TRIM23: variants seen among roughly 807,000 people sequenced by gnomAD.
TRIM23 encodes the protein E3 ubiquitin-protein ligase TRIM23.
A neutral mutation model predicts 71.0 loss-of-function variants in TRIM23; 27 were observed. The ratio of observed to expected loss-of-function variants is 0.38; its 90% CI spans 0.28 to 0.52. The LOEUF is 0.52. Among genes scored for constraint, TRIM23 ranks in the 20% least tolerant of loss-of-function variants. TRIM23 has a pLI of 0.84. For synonymous variants in TRIM23, 234 were observed against 238.0 expected (o/e 0.98, Z 0.16); for missense variants, 482 against 692.3 (o/e 0.70, Z 3.41).
chr5:65,598,043 G>T (rs1754254859), intron 7 of TRIM23, among the ~76,000 whole-genome samples: 1 of 151,930 alleles, frequency 6.6e-6, no homozygotes, highest in Admixed American at 6.6e-5. Context: ...AACTTTTCCT[G>T]GTTTGGTTTT....
intron 7 of TRIM23, among the ~76,000 whole-genome samples, chr5:65,598,126 T>C (rs1754257642): frequency 6.6e-6 from 1 of 152,198 alleles, no homozygotes; most frequent in Non-Finnish European, 1.5e-5. Context: ...TGAGGGTCTA[T>C]ATGAGGCCTC....
At chr5:65,606,675 T>A (rs970158607) in intron 6 of TRIM23, among the ~76,000 whole-genome samples, 2 of 152,232 alleles carry the variant, frequency 1.3e-5, no homozygotes, top group Non-Finnish European at 2.9e-5. Flanking sequence ...AACTACAATG[T>A]TCTTCTCCCA....
In TRIM23 at chr5:65,615,755, T is replaced by G. The variant is rs533190304; in HGVS notation, c.245-1536A>C. Among the ~76,000 whole-genome samples, 21 of 152,366 alleles carry G rather than the reference T, an allele frequency of 1.4e-4. 1 individual carries two copies. Among genetic ancestry groups the G allele is most frequent in the African/African-American group, 4.3e-4 (18 of 41,584 alleles). On this transcript the variant is annotated intron_variant, in intron 2 of 10. Coordinates refer to ENST00000231524, the MANE Select transcript of TRIM23 (RefSeq NM_001656.4). ...ATCCAGTCACTATATAATGAATATA[T>G]ACAAATAAACCTCTAGCATTATTAC...
At chr5:65,610,477 A>G (rs969949443) in intron 5 of TRIM23, among the ~76,000 whole-genome samples, 1 of 152,212 alleles carries the variant, frequency 6.6e-6, no homozygotes, top group Non-Finnish European at 1.5e-5. Context: ...AATATGTACA[A>G]TCCTCACTTA....
chr5:65,614,866 A>G (rs900066188), intron 2 of TRIM23, among the ~76,000 whole-genome samples: 2 of 152,210 alleles, frequency 1.3e-5, no homozygotes, highest in South Asian at 4.2e-4. Flanking sequence ...TTATACATAT[A>G]TTTTGCCACA....
intron 2 of TRIM23, among the ~76,000 whole-genome samples, chr5:65,614,833 T>C (rs1754740461): frequency 6.6e-6 from 1 of 151,978 alleles, no homozygotes; most frequent in African/African-American, 2.4e-5. Context: ...AACTTAGAAA[T>C]GGTTAAAACG....
In TRIM23 at chr5:65,594,564, T is replaced by C; in HGVS notation, c.1502A>G (p.Lys501Arg). The stretch of plus-strand genomic sequence containing the variant: ...CAGGAGCAGAGCATCTCGGAGTTCT[T>C]TTTCCGTTAACAACTTTGCAAGTTC... Reference protein sequence around the residue: ...HSELAKLLTEKELRDALLLIF... With the variant: ...HSELAKLLTERELRDALLLIF... The change falls in exon 10 of 11, where the codon AAA becomes AGA. Residue 501 changes from lysine (K) to arginine (R), a missense_variant. Physicochemically the swap from Lys to Arg is conservative, Grantham distance 26. Coordinates refer to ENST00000231524, the MANE Select transcript of TRIM23 (RefSeq NM_001656.4). 6.2e-7 allele frequency: 1 copy of C among 1,613,036 alleles called. No homozygotes were observed. The highest frequency in any genetic ancestry group is 8.5e-7 in the Non-Finnish European group (1 of 1,179,640).
chr5:65,621,913 G>A (rs1404192960), intron 1 of TRIM23, among the ~76,000 whole-genome samples: 1 of 151,390 alleles, frequency 6.6e-6, no homozygotes, highest in Non-Finnish European at 1.5e-5. Flanking sequence ...CTGCAGCCTT[G>A]ACCTCCCAAG....
intron 6 of TRIM23, among the ~76,000 whole-genome samples, chr5:65,608,284 A>G (rs1754558876): frequency 6.6e-6 from 1 of 152,104 alleles, no homozygotes; most frequent in Non-Finnish European, 1.5e-5. Flanking sequence ...TGGCAACACA[A>G]TTATGAGGTC....
intron 6 of TRIM23, among the ~76,000 whole-genome samples, chr5:65,606,021 ATTCC>A (rs1156911230): frequency 1.1e-4 from 17 of 152,210 alleles, no homozygotes; most frequent in African/African-American, 4.1e-4. Context: ...TAACTGTTGA[ATTCC>A]TTCCTTCCAT....
intron 9 of TRIM23, among the ~76,000 whole-genome samples, chr5:65,595,873 C>T (rs572284511): frequency 1.3e-5 from 2 of 152,126 alleles, no homozygotes; most frequent in East Asian, 3.9e-4. Context: ...ATGTTGGGGT[C>T]TATGAGGCAG....
Position 65,591,060 on chromosome 5 carries a change from C to G in TRIM23, c.*709G>C. The G allele has an allele frequency of 1.0e-6, 1 of 990,900 alleles. No homozygotes were observed. Among genetic ancestry groups the G allele is most frequent in the Non-Finnish European group, 1.2e-6 (1 of 833,732 alleles). The allele number at this position is 990,900 out of a possible 1,614,324, so 61.4% of individuals were successfully genotyped here. Reference sequence around the variant, plus strand: ...TTCATAAATTCAGATCCAATTACTTCCACAGTTTTATTACTGTTCAGTTTA... The same window carrying G: ...TTCATAAATTCAGATCCAATTACTTGCACAGTTTTATTACTGTTCAGTTTA... On this transcript the variant is annotated 3_prime_UTR_variant, in exon 11 of 11. Coordinates refer to ENST00000231524, the MANE Select transcript of TRIM23 (RefSeq NM_001656.4).
In TRIM23 at chr5:65,611,785, G is replaced by A; in HGVS notation, c.463C>T (p.His155Tyr). ...TGCTTTGCTAATGTCTTTGTAGAAT[G>A]AGTAACTTGAGAACACTCAGAGCAC... is the stretch of plus-strand genomic sequence containing the variant. ...HLCSECSQVT[H>Y]STKTLAKHRR... Residue 155 changes from histidine to tyrosine, a missense_variant, in exon 4 of 11, where the codon CAT (histidine) becomes TAT (tyrosine). Transcript: ENST00000231524. 2 of 1,614,162 alleles carry A rather than the reference G, an allele frequency of 1.2e-6. No homozygotes were observed. The highest frequency in any genetic ancestry group is 1.7e-6 in the Non-Finnish European group (2 of 1,180,030).
At chr5:65,620,655 A>C (rs1202636031) in intron 1 of TRIM23, among the ~76,000 whole-genome samples, 1 of 152,228 alleles carries the variant, frequency 6.6e-6, no homozygotes, top group Non-Finnish European at 1.5e-5. Context: ...ACATTGGAAC[A>C]CTGGTTCCCC....
chr5:65,604,912 T>G lies in TRIM23; in HGVS notation c.1178A>C (p.Lys393Thr). ...LDASIPVTFTKDNRVHIGPKM... is the reference protein window; with the variant it reads ...LDASIPVTFTTDNRVHIGPKM... Reference sequence around the variant, plus strand: ...TAAAAATAAAGTACAGTACATTACCTTTGTAAAAGTGACAGGGATGCTGGC... The same window carrying G: ...TAAAAATAAAGTACAGTACATTACCGTTGTAAAAGTGACAGGGATGCTGGC... The change falls in exon 7 of 11, where the codon AAG becomes ACG. Residue 393 changes from lysine to threonine, a missense_variant and splice_region_variant. Transcript: ENST00000231524. 1 of 1,612,642 alleles carries G rather than the reference T, an allele frequency of 6.2e-7. No individual in the cohort carries two copies. Among genetic ancestry groups the G allele is most frequent in the Non-Finnish European group, 8.5e-7 (1 of 1,179,536 alleles).
In TRIM23 at chr5:65,595,340, G is replaced by A. The variant is rs1232300291; in HGVS notation, c.1421-695C>T. Among the ~76,000 whole-genome samples, 9 of 152,108 alleles carry A rather than the reference G, an allele frequency of 5.9e-5. No individual in the cohort carries two copies. In the South Asian group the frequency reaches 1.7e-3, roughly 28 times the overall value. ...TGGGAGGCCAAGACGGGCGGATCAC[G>A]AGGTCAGGAGATGGAGACCATCCTG... On this transcript the variant is annotated intron_variant, in intron 9 of 10. Transcript: ENST00000231524.
In TRIM23 at chr5:65,594,584, A is replaced by G. The variant is rs1754142828; in HGVS notation, c.1482T>C (p.Leu494=). The change falls in exon 10 of 11, where the codon CTT becomes CTC. Residue 494 remains leucine (L), a synonymous_variant. Coordinates refer to ENST00000231524, the MANE Select transcript of TRIM23 (RefSeq NM_001656.4). Reference sequence around the variant, plus strand: ...GTTCTTTTTCCGTTAACAACTTTGCAAGTTCGCTGTGTGCTTCACTAATTC... The same window carrying G: ...GTTCTTTTTCCGTTAACAACTTTGCGAGTTCGCTGTGTGCTTCACTAATTC... ...RDRISEAHSE[L]AKLLTEKELR... is the part of the protein sequence containing the mutation. The G allele has an allele frequency of 2.5e-6, 4 of 1,612,634 alleles. No homozygotes were observed. Among genetic ancestry groups the G allele is most frequent in the Non-Finnish European group, 3.4e-6 (4 of 1,179,510 alleles).
intron 10 of TRIM23, among the ~76,000 whole-genome samples, chr5:65,592,593 A>C (rs745630527): frequency 5.9e-5 from 9 of 152,296 alleles, no homozygotes; most frequent in Non-Finnish European, 1.0e-4. Flanking sequence ...TAAATGGTTT[A>C]TATATAGGGT....
intron 10 of TRIM23, 90 bp downstream of exon 10, chr5:65,594,431 T>C (rs1032751230): frequency 7.0e-7 from 1 of 1,425,588 alleles, no homozygotes; most frequent in African/African-American, 1.4e-5. Flanking sequence ...TAAATATCTA[T>C]TGAACTGATT....
Sources: gnomAD v4.1 joint callset for allele counts (sites outside exome capture counted in the v4.1 genomes callset) on GRCh38, gnomAD v4.1.1 for gene constraint, MANE v1.5 for transcripts, NCBI Gene and HGNC (gene_info 2026-07-23, HGNC 2026-07-21) for gene names.